The following PCNX2 variants were observed in gnomAD, a reference collection of about 807,000 sequenced individuals.
PCNX2 encodes the protein pecanex-like protein 2.
A neutral mutation model predicts 223.8 loss-of-function variants in PCNX2; 168 were observed. The observed-to-expected ratio is 0.75, with a 90% CI of 0.66 to 0.85. PCNX2 has a LOEUF of 0.85. Among genes scored for constraint, PCNX2 ranks in the 40% least tolerant of loss-of-function variants. The probability of loss-of-function intolerance (pLI) is 0.00; values close to 1 mark genes in which losing one functional copy is unlikely to be tolerated. For synonymous variants in PCNX2, 1,006 were observed against 1,052.6 expected, an observed-to-expected ratio of 0.96 and a Z score of 0.86; for missense variants, 2,507 against 2,675.5, an observed-to-expected ratio of 0.94 and a Z score of 1.39.
At chr1:233,323,665 A>G in the PCNX2 span, among the ~76,000 whole-genome samples, 2 of 152,228 alleles carry the variant, frequency 1.3e-5, no homozygotes, top group African/African-American at 2.4e-5. Context: ...CCACACCTAT[A>G]TCAGACAGTG....
chr1:233,278,234 ACCTAT>A (rs1331041022), intron 1 of PCNX2, among the ~76,000 whole-genome samples: 1 of 152,048 alleles, frequency 6.6e-6, no homozygotes, highest in East Asian at 1.9e-4. Context: ...CCTCCCACAC[ACCTAT>A]TTTCAAGGTC....
chr1:233,199,579 G>C (rs191623309), intron 14 of PCNX2, among the ~76,000 whole-genome samples: 1 of 152,276 alleles, frequency 6.6e-6, no homozygotes, highest in East Asian at 1.9e-4. Flanking sequence ...TTAGAGAAGA[G>C]AAGAGTAGGC....
intron 8 of PCNX2, chr1:233,241,245 T>C (rs1658744285): frequency 1.0e-6 from 1 of 985,334 alleles, no homozygotes; most frequent in South Asian, 4.7e-5. Context: ...GAGGCAAGGC[T>C]GGGAGCATGG....
chr1:233,276,810 G>T (rs1173447765), intron 1 of PCNX2, among the ~76,000 whole-genome samples: 1 of 152,236 alleles, frequency 6.6e-6, no homozygotes, highest in Non-Finnish European at 1.5e-5. Flanking sequence ...AGCAAGTACT[G>T]TTCCATATTC....
At chr1:233,025,028 T>C in intron 26 of PCNX2, 118 bp downstream of exon 26, 1 of 1,385,450 alleles carries the variant, frequency 7.2e-7, no homozygotes, top group Non-Finnish European at 9.8e-7. Flanking sequence ...TGGCTGGGTT[T>C]CCAATTCGGA....
At chr1:233,304,580 A>G in the PCNX2 span, among the ~76,000 whole-genome samples, 3 of 152,226 alleles carry the variant, frequency 2.0e-5, no homozygotes, top group Non-Finnish European at 4.4e-5. Flanking sequence ...GAAATAGAAA[A>G]TGCCAGTTAT....
rs1197759358 is a variant in PCNX2, at chr1:233,095,798, C to T, written c.3903G>A (p.Trp1301Ter). 1.9e-6 allele frequency: 3 copies of T among 1,612,506 alleles called. No homozygotes were observed. Among genetic ancestry groups the T allele is most frequent in the Non-Finnish European group, 2.5e-6 (3 of 1,179,348 alleles). Residue 1301 changes from tryptophan to a stop codon, truncating the protein, a stop_gained, in exon 22 of 34, where the codon TGG becomes TGA. Transcript: ENST00000258229. LOFTEE classifies it high-confidence loss of function. ...LTYVAPWQMAWGSSFHVFAQL... is the reference protein window; with the variant it reads ...LTYVAPWQMA ...GAGCAAACACGTGAAACGAAGAACC[C>T]CAAGCCATCTGCCAAGGAGCCACAT...
intron 1 of PCNX2, among the ~76,000 whole-genome samples, chr1:233,272,933 G>A (rs1258720600): frequency 2.0e-5 from 3 of 152,054 alleles, no homozygotes; most frequent in Non-Finnish European, 4.4e-5. Context: ...CTCATAAGTG[G>A]GAGCTAAAAT....
intron 19 of PCNX2, among the ~76,000 whole-genome samples, chr1:233,157,507 C>T (rs1678200461): frequency 6.6e-6 from 1 of 152,170 alleles, no homozygotes; most frequent in South Asian, 2.1e-4. Context: ...CCACTGTGTC[C>T]CAGCAGTGGG....
At chr1:233,248,555 A>G (rs1016094549) in intron 8 of PCNX2, among the ~76,000 whole-genome samples, 2 of 152,108 alleles carry the variant, frequency 1.3e-5, no homozygotes, top group African/African-American at 4.8e-5. Flanking sequence ...AGAGCGATGG[A>G]AATGGCAAAA....
intron 25 of PCNX2, among the ~76,000 whole-genome samples, chr1:233,035,846 G>T (rs1291760703): frequency 6.6e-6 from 1 of 152,148 alleles, no homozygotes; most frequent in Non-Finnish European, 1.5e-5. Context: ...GGGAACACAA[G>T]ATGTGTGAGA....
At chr1:233,127,245 C>A (rs771951448) in intron 21 of PCNX2, among the ~76,000 whole-genome samples, 6 of 152,194 alleles carry the variant, frequency 3.9e-5, no homozygotes, top group Non-Finnish European at 7.3e-5. Context: ...AGATCCATCT[C>A]ATAGACATCT....
Position 233,295,049 on chromosome 1 carries a change from G to A in PCNX2, c.153+277C>T, listed in dbSNP as rs1661994773. On this transcript the variant is annotated intron_variant, in intron 1 of 33. Coordinates refer to ENST00000258229, the MANE Select transcript of PCNX2 (RefSeq NM_014801.4). The surrounding 1 kb of genome is among the most constrained non-coding windows in gnomAD (Gnocchi z 4.1). ...CTACAAAACAGGCTGCACGCTCCCT[G>A]CCACAAGCAGAGTGACTCATCCTAA... is the stretch of plus-strand genomic sequence containing the variant. Among the ~76,000 whole-genome samples, 1 of 152,120 alleles carries A rather than the reference G, an allele frequency of 6.6e-6. No homozygotes were observed. Among genetic ancestry groups the A allele is most frequent in the Non-Finnish European group, 1.5e-5 (1 of 68,024 alleles).
chr1:233,304,531 C>G, the PCNX2 span, among the ~76,000 whole-genome samples: 1 of 151,976 alleles, frequency 6.6e-6, no homozygotes, highest in Non-Finnish European at 1.5e-5. Context: ...CATCTTTTGG[C>G]TCTTTTAAGC....
intron 21 of PCNX2, among the ~76,000 whole-genome samples, chr1:233,129,802 G>C (rs1676351712): frequency 6.6e-6 from 1 of 152,202 alleles, no homozygotes; most frequent in Non-Finnish European, 1.5e-5. Context: ...CCATAAACCA[G>C]ACCAATCAGC....
At chr1:233,046,502 T>G (rs1384760330) in intron 25 of PCNX2, among the ~76,000 whole-genome samples, 2 of 152,210 alleles carry the variant, frequency 1.3e-5, no homozygotes, top group East Asian at 3.9e-4. Flanking sequence ...AAAGTCCCTG[T>G]GTCCCCAACT....
intron 32 of PCNX2, among the ~76,000 whole-genome samples, chr1:232,996,211 T>C (rs1408234124): frequency 1.3e-5 from 2 of 152,152 alleles, no homozygotes; most frequent in African/African-American, 2.4e-5. Flanking sequence ...GAAGCACTTC[T>C]GGAACCCCCA....
chr1:233,180,823 C>T (rs1679751673), intron 15 of PCNX2: 1 of 152,202 alleles, frequency 6.6e-6, no homozygotes, highest in Non-Finnish European at 1.5e-5. Flanking sequence ...GGAAGTAAGA[C>T]TCACTGCCTC....
intron 1 of PCNX2, among the ~76,000 whole-genome samples, chr1:233,282,074 C>A (rs1397524636): frequency 6.6e-6 from 1 of 152,144 alleles, no homozygotes; most frequent in Non-Finnish European, 1.5e-5. Flanking sequence ...GGCTTCTGCT[C>A]CCCAACACAC....
Sources: gnomAD v4.1 joint callset for allele counts (sites outside exome capture counted in the v4.1 genomes callset) on GRCh38, gnomAD v4.1.1 for gene constraint, Gnocchi (gnomAD v3.1) non-coding constraint, MANE v1.5 for transcripts, NCBI Gene and HGNC (gene_info 2026-07-23, HGNC 2026-07-21) for gene names.